AHCTF1: variants seen among roughly 807,000 people sequenced by gnomAD.
AHCTF1 encodes AT-hook containing transcription factor 1, also known as protein ELYS.
AHCTF1 carries 24 observed loss-of-function variants against 248.4 expected under a neutral mutation model. That is an observed-to-expected ratio of 0.10 (90% CI 0.07 to 0.14). AHCTF1 has a LOEUF of 0.14. Among genes scored for constraint, AHCTF1 ranks in the 10% least tolerant of loss-of-function variants. The probability of loss-of-function intolerance (pLI) is 1.00; values close to 1 mark genes in which losing one functional copy is unlikely to be tolerated. For synonymous variants in AHCTF1, 786 were observed against 929.8 expected (o/e 0.85, Z 2.81); for missense variants, 2,206 against 2,636.2 (o/e 0.84, Z 3.57).
At position 246,900,455 on chromosome 1, in the gene AHCTF1, T is replaced by G; in HGVS notation, c.1132A>C (p.Thr378Pro). ...EGVNEALSPD[T>P]SVSVFTWQVN... ...TGCCAGGTAAAGACTGAAACACTAG[T>G]GTCAGGCGATAGAGCTGGAAGAAAA... The change falls in exon 9 of 36, where the codon ACT (threonine) becomes CCT (proline). Residue 378 changes from threonine (T) to proline (P), a missense_variant. Physicochemically the swap from Thr to Pro is conservative, Grantham distance 38. This residue lies in a region of AHCTF1 where 650 missense variants were observed against 870.8 expected (regional missense o/e 0.75). Transcript: ENST00000648844. 1 of 1,588,808 alleles carries G rather than the reference T, an allele frequency of 6.3e-7. No homozygotes were observed. Among genetic ancestry groups the G allele is most frequent in the African/African-American group, 1.4e-5 (1 of 73,248 alleles).
chr1:246,889,861 T>C (rs946574955), intron 17 of AHCTF1, 105 bp downstream of exon 17: 2 of 787,484 alleles, frequency 2.5e-6, no homozygotes, highest in Non-Finnish European at 4.1e-6. Context: ...ATTCTGATAC[T>C]TAACTGAGAA....
rs1449228063 is a variant in AHCTF1 at position 246,864,124 on chromosome 1, C to A, written c.3348-8G>T. The A allele has an allele frequency of 1.2e-6, 2 of 1,611,480 alleles. No individual in the cohort carries two copies. The highest frequency in any genetic ancestry group is 1.7e-6 in the Non-Finnish European group (2 of 1,178,964). ...ACAACCAAATCTAGCAGTCTGTAAT[C>A]AGAATGCGCATTTATTGAGTTATAC... On this transcript the variant is annotated splice_region_variant and splice_polypyrimidine_tract_variant and intron_variant, in intron 26 of 35. Coordinates refer to ENST00000648844, the MANE Select transcript of AHCTF1 (RefSeq NM_001323342.2).
chr1:246,860,939 A>G lies in AHCTF1; in HGVS notation c.4092T>C (p.Phe1364=). 3 of 1,612,488 alleles carry G rather than the reference A, an allele frequency of 1.9e-6. No individual in the cohort carries two copies. Among genetic ancestry groups the G allele is most frequent in the Non-Finnish European group, 2.5e-6 (3 of 1,178,560 alleles). ...GGTCTGAAGGAGTTACTTCTGATGCAAATACATCTTTATCTCCATCCTTTT... is the reference window on the plus strand; with the variant it reads ...GGTCTGAAGGAGTTACTTCTGATGCGAATACATCTTTATCTCCATCCTTTT... The part of the protein sequence containing the change: ...QTEKDGDKDV[F]ASEVTPSDLQ... The change falls in exon 29 of 36, where the codon TTT becomes TTC. Residue 1364 remains phenylalanine (F), a synonymous_variant. Coordinates refer to ENST00000648844, the MANE Select transcript of AHCTF1 (RefSeq NM_001323342.2).
Position 246,861,260 on chromosome 1 carries a change from T to C in AHCTF1, c.3771A>G (p.Thr1257=), listed in dbSNP as rs560462159. 2 of 1,612,100 alleles carry C rather than the reference T, an allele frequency of 1.2e-6. No individual in the cohort carries two copies. The highest frequency in any genetic ancestry group is 3.3e-5 in the Admixed American group (2 of 59,872). ...CCACTGGAACTGCACATTTTTTAGG[T>C]GTAGTAAATACTTCTAATTTGCTAT... ...ADDSKLEVFT[T]PKKCAVPVET... Residue 1257 remains threonine, a synonymous_variant, in exon 29 of 36, where the codon ACA becomes ACG. Coordinates refer to ENST00000648844, the MANE Select transcript of AHCTF1 (RefSeq NM_001323342.2).
chr1:246,868,852 T>G lies in AHCTF1; in HGVS notation c.3089-1041A>C, dbSNP rs1333665821. ...CATTGTGTGTGTGTTTTTTGTTTTT[T>G]TTTTTTTTTTGAGATGGAGTCTCGC... On this transcript the variant is annotated intron_variant, in intron 24 of 35. Transcript: ENST00000648844. 6.7e-5 allele frequency among the ~76,000 whole-genome samples: 10 copies of G among 149,814 alleles called. 1 individual carries two copies. Among genetic ancestry groups the G allele is most frequent in the Middle Eastern group, 3.5e-3 (1 of 288 alleles).
At chr1:246,863,150 T>A (rs1661698633) in intron 27 of AHCTF1, among the ~76,000 whole-genome samples, 1 of 152,194 alleles carries the variant, frequency 6.6e-6, no homozygotes, top group Non-Finnish European at 1.5e-5. Flanking sequence ...TATTTTAAAT[T>A]ATTGAAACCT....
intron 7 of AHCTF1, 142 bp from the exon 8 acceptor site, chr1:246,902,817 G>A (rs1277542634): frequency 3.9e-6 from 3 of 764,208 alleles, no homozygotes; most frequent in Non-Finnish European, 5.7e-6. Context: ...ATGGAAAAAG[G>A]CTCTAAAATT....
intron 35 of AHCTF1, among the ~76,000 whole-genome samples, chr1:246,841,634 TA>T (rs976917303): frequency 5.9e-5 from 9 of 152,330 alleles, no homozygotes; most frequent in Admixed American, 5.2e-4. Context: ...TGCAGGATTT[TA>T]AAGTGTATAA....
chr1:246,914,315 A>T (rs1666001632), intron 3 of AHCTF1, among the ~76,000 whole-genome samples: 2 of 152,238 alleles, frequency 1.3e-5, no homozygotes, highest in South Asian at 4.1e-4. Context: ...CATTTTGGAC[A>T]GGGGATTCTC....
At chr1:246,862,223 G>A in intron 27 of AHCTF1, 70 bp from the exon 28 acceptor site, 3 of 1,213,838 alleles carry the variant, frequency 2.5e-6, no homozygotes, top group Non-Finnish European at 3.4e-6. Context: ...GCTCACGCCT[G>A]TAATCCCTGC....
At chr1:246,918,776 G>C (rs1312876537) in intron 1 of AHCTF1, among the ~76,000 whole-genome samples, 2 of 152,210 alleles carry the variant, frequency 1.3e-5, no homozygotes, top group African/African-American at 2.4e-5. Context: ...ACGTACTAAG[G>C]ATATACATTA....
rs1043953213 is a variant in AHCTF1 at position 246,923,131 on chromosome 1, T to C, written c.-7-4754A>G. On this transcript the variant is annotated intron_variant, in intron 1 of 35. Transcript: ENST00000648844. Reference sequence around the variant, plus strand: ...ACCAAAAAAAAAAAAAAAAAAAAGATAGGCTGGGCACGGTGGCCCATGCCT... The same window carrying C: ...ACCAAAAAAAAAAAAAAAAAAAAGACAGGCTGGGCACGGTGGCCCATGCCT... Among the ~76,000 whole-genome samples the C allele has an allele frequency of 3.3e-3, 426 of 130,116 alleles. 2 individuals carry two copies. The highest frequency in any genetic ancestry group is 0.012 in the African/African-American group (400 of 34,144). 85.4% of individuals were successfully genotyped at this position (130,116 alleles called of 152,430 possible). A position where few individuals can be genotyped will look rare whatever the true frequency, so the allele number is the denominator to read the frequency against.
rs140191724 is a variant in AHCTF1 at position 246,892,096 on chromosome 1, T to C, written c.1805-177A>G. Among the ~76,000 whole-genome samples the C allele has an allele frequency of 5.3e-4, 80 of 152,226 alleles. No homozygotes were observed. The East Asian group carries it at 0.014, about 26-fold the overall frequency. Reference sequence around the variant, plus strand: ...CAAGGAACCTAAAAAGTGCTTTCAATATAAAACTAGCAAAAGCCAAGAGTG... The same window carrying C: ...CAAGGAACCTAAAAAGTGCTTTCAACATAAAACTAGCAAAAGCCAAGAGTG... On this transcript the variant is annotated intron_variant, in intron 14 of 35. Coordinates refer to ENST00000648844, the MANE Select transcript of AHCTF1 (RefSeq NM_001323342.2).
chr1:246,919,342 G>C (rs531656656), intron 1 of AHCTF1, among the ~76,000 whole-genome samples: 1 of 152,294 alleles, frequency 6.6e-6, no homozygotes, highest in Admixed American at 6.5e-5. Flanking sequence ...ATTGACCATG[G>C]CTCTGAGTCT....
At chr1:246,845,223 G>GT (rs1188826754) in intron 33 of AHCTF1, among the ~76,000 whole-genome samples, 1 of 151,922 alleles carries the variant, frequency 6.6e-6, no homozygotes, top group East Asian at 1.9e-4. Flanking sequence ...TGGGTACACA[G>GT]TAGGTGTATA....
rs1422299997 is a variant in AHCTF1, at chr1:246,891,005, T to A, written c.2001A>T (p.Ala667=). 1.3e-6 allele frequency: 2 copies of A among 1,561,390 alleles called. No homozygotes were observed. The highest frequency in any genetic ancestry group is 1.3e-5 in the South Asian group (1 of 79,488). ...AATGAGAGAACCAAAGAACCACTTG[T>A]GCATACTGACAGATGAGGTGGGAAA... ...FVVSHLICQY[A]QVVLWFSHSG... is the part of the protein sequence containing the mutation. Residue 667 remains alanine, a synonymous_variant, in exon 16 of 36, where the codon GCA becomes GCT. Transcript: ENST00000648844.
At chr1:246,860,845 A>ATGTCC in intron 29 of AHCTF1, 54 bp downstream of exon 29, 1 of 1,560,922 alleles carries the variant, frequency 6.4e-7, no homozygotes, top group East Asian at 2.3e-5. Flanking sequence ...TCTATTATAA[A>ATGTCC]CTTTATTGAG....
intron 14 of AHCTF1, among the ~76,000 whole-genome samples, chr1:246,892,959 A>G (rs1213877326): frequency 6.6e-6 from 1 of 152,084 alleles, no homozygotes; most frequent in Non-Finnish European, 1.5e-5. Flanking sequence ...AATACTTTTA[A>G]AACACTTACT....
At position 246,906,805 on chromosome 1, in the gene AHCTF1, T is replaced by A. The variant is rs2103192039; in HGVS notation, c.764+746A>T. Among the ~76,000 whole-genome samples the A allele has an allele frequency of 1.3e-5, 2 of 152,358 alleles. 1 individual carries two copies. The highest frequency in any genetic ancestry group is 6.8e-3 in the Middle Eastern group (2 of 294). ...AATATAATTATATTTTGGGGACTTT[T>A]TGACAGCAGAAAAAATTTAAAACAC... On this transcript the variant is annotated intron_variant, in intron 5 of 35. Coordinates refer to ENST00000648844, the MANE Select transcript of AHCTF1 (RefSeq NM_001323342.2).
Sources: gnomAD v4.1 joint callset for allele counts (sites outside exome capture counted in the v4.1 genomes callset) on GRCh38, gnomAD v4.1.1 for gene constraint, gnomAD v4.1.1 regional missense constraint, MANE v1.5 for transcripts, NCBI Gene and HGNC (gene_info 2026-07-23, HGNC 2026-07-21) for gene names.